The following DCC variants were observed in gnomAD, a reference collection of about 807,000 sequenced individuals.
DCC encodes netrin receptor DCC.
In DCC, 58 loss-of-function variants were observed where a neutral mutation model predicts 172.5. That is an observed-to-expected ratio of 0.34 (90% CI 0.27 to 0.42). DCC has a LOEUF of 0.42. Among genes scored for constraint, DCC ranks in the 10% least tolerant of loss-of-function variants. The pLI is 1.00. For synonymous variants in DCC, 709 were observed against 644.5 expected (o/e 1.10, Z -1.52); for missense variants, 1,740 against 1,791.0 (o/e 0.97, Z 0.51).
At chr18:52,679,006 C>G (rs1599012396) in intron 1 of DCC, among the ~76,000 whole-genome samples, 1 of 151,930 alleles carries the variant, frequency 6.6e-6, no homozygotes, top group South Asian at 2.1e-4. Context: ...TCTTTACCTT[C>G]AAAAATTTTA....
At chr18:52,742,270 G>A (rs547841230) in intron 1 of DCC, among the ~76,000 whole-genome samples, 1 of 151,674 alleles carries the variant, frequency 6.6e-6, no homozygotes, top group African/African-American at 2.4e-5. Flanking sequence ...CTTTGCTCAA[G>A]TCTTGCCCTC....
rs773998880 is a variant in DCC at position 53,526,744 on chromosome 18, A to C, written c.4239A>C (p.Thr1413=). Residue 1413 remains threonine, a synonymous_variant, in exon 28 of 29, where the codon ACA becomes ACC. Coordinates refer to ENST00000442544, the MANE Select transcript of DCC (RefSeq NM_005215.4). ...TGTCTGAGGAGAGCCACAAACCAAC[A>C]GAGGATTCAGCCAATGTAAGGGCAT... The part of the protein sequence containing the change: ...PEVSEESHKP[T]EDSANVYEQD... 14 of 1,613,444 alleles carry C rather than the reference A, an allele frequency of 8.7e-6. No individual in the cohort carries two copies. The highest frequency in any genetic ancestry group is 1.0e-5 in the Non-Finnish European group (12 of 1,179,592).
Position 52,400,005 on chromosome 18 carries a change from A to G in DCC, c.91+59127A>G, listed in dbSNP as rs142758348. Reference sequence around the variant, plus strand: ...AGAAAATTGAATGGATAATAAATAAATACAATTATACCAAATACCATTCTA... The same window carrying G: ...AGAAAATTGAATGGATAATAAATAAGTACAATTATACCAAATACCATTCTA... On this transcript the variant is annotated intron_variant, in intron 1 of 28. Transcript: ENST00000442544. 7.3e-3 allele frequency among the ~76,000 whole-genome samples: 1,115 copies of G among 152,170 alleles called. 8 individuals are homozygous for G. The highest frequency in any genetic ancestry group is 0.017 in the Middle Eastern group (5 of 294).
At chr18:53,053,142 C>CAAACAAAAT (rs1259815988) in intron 5 of DCC, among the ~76,000 whole-genome samples, 1 of 151,954 alleles carries the variant, frequency 6.6e-6, no homozygotes, top group African/African-American at 2.4e-5. Flanking sequence ...GACTCCATCT[C>CAAACAAAAT]AAACAAAATC....
intron 19 of DCC, among the ~76,000 whole-genome samples, chr18:53,404,106 T>C (rs1455839650): frequency 6.6e-6 from 1 of 152,176 alleles, no homozygotes; most frequent in African/African-American, 2.4e-5. Flanking sequence ...TCTCTTTTCA[T>C]TGGTTCTATG....
Position 53,157,509 on chromosome 18 carries a change from A to T in DCC, c.1415A>T (p.Asn472Ile), listed in dbSNP as rs2054762141. The change falls in exon 8 of 29, where the codon AAC (asparagine) becomes ATC (isoleucine). Residue 472 changes from asparagine (N) to isoleucine (I), a missense_variant. By Grantham distance (149) the Asn-to-Ile change is moderately radical (BLOSUM62 -3). Transcript: ENST00000442544. ...FTVFFSREGDNRERALNTTQP... is the reference protein window; with the variant it reads ...FTVFFSREGDIRERALNTTQP... ...GTCTTTTTCTCCAGAGAAGGTGACAACAGGTAGGTGATGCTACCAATAAAA... is the reference window on the plus strand; with the variant it reads ...GTCTTTTTCTCCAGAGAAGGTGACATCAGGTAGGTGATGCTACCAATAAAA... 1.2e-5 allele frequency: 19 copies of T among 1,614,082 alleles called. No individual in the cohort carries two copies. In the East Asian group the frequency reaches 4.2e-4, roughly 36 times the overall value.
At chr18:53,448,852 C>CA (rs1030885097) in intron 22 of DCC, among the ~76,000 whole-genome samples, 31 of 150,778 alleles carry the variant, frequency 2.1e-4, no homozygotes, top group African/African-American at 6.8e-4. Flanking sequence ...GACTCTGTCT[C>CA]AAAAAAAAAT....
chr18:53,452,974 G>A (rs369645304), intron 23 of DCC, among the ~76,000 whole-genome samples: 77 of 152,168 alleles, frequency 5.1e-4, no homozygotes, highest in African/African-American at 1.8e-3. Flanking sequence ...GGAGTGCAGT[G>A]GTGCAATCTC....
At chr18:53,093,889 G>A (rs544768777) in intron 7 of DCC, among the ~76,000 whole-genome samples, 80 of 152,134 alleles carry the variant, frequency 5.3e-4, no homozygotes, top group Middle Eastern at 3.4e-3. Flanking sequence ...TCATCCCCTC[G>A]CCAGATGAAA....
intron 2 of DCC, among the ~76,000 whole-genome samples, chr18:52,773,409 C>T (rs2037374258): frequency 1.3e-5 from 2 of 152,016 alleles, no homozygotes; most frequent in Admixed American, 1.3e-4. Context: ...ATGTATTCAC[C>T]AAATCTTTAT....
At chr18:53,240,420 T>C (rs1046651391) in intron 12 of DCC, among the ~76,000 whole-genome samples, 5 of 152,118 alleles carry the variant, frequency 3.3e-5, no homozygotes, top group African/African-American at 1.2e-4. Context: ...ATTTTATATA[T>C]GAAAAGCAGA....
At chr18:53,051,519 T>G (rs891462348) in intron 5 of DCC, among the ~76,000 whole-genome samples, 1 of 152,164 alleles carries the variant, frequency 6.6e-6, no homozygotes, top group African/African-American at 2.4e-5. Flanking sequence ...GGGTGGCTGA[T>G]GTTCTTAATT....
At chr18:52,775,164 C>T (rs1935863113) in intron 2 of DCC, among the ~76,000 whole-genome samples, 1 of 152,110 alleles carries the variant, frequency 6.6e-6, no homozygotes, top group African/African-American at 2.4e-5. Context: ...GAAAGGTTCG[C>T]CTGTCCCCCT....
At chr18:53,214,357 C>T (rs1175824815) in intron 11 of DCC, among the ~76,000 whole-genome samples, 4 of 152,058 alleles carry the variant, frequency 2.6e-5, no homozygotes, top group Non-Finnish European at 5.9e-5. Flanking sequence ...CTCATTCAAT[C>T]ATTAATTCAG....
chr18:53,101,366 T>A (rs2043170244), intron 7 of DCC, among the ~76,000 whole-genome samples: 1 of 152,022 alleles, frequency 6.6e-6, no homozygotes. Flanking sequence ...AGATTAATCC[T>A]TAAGGAGTGA....
At chr18:52,499,520 C>A (rs1387090354) in intron 1 of DCC, among the ~76,000 whole-genome samples, 1 of 152,122 alleles carries the variant, frequency 6.6e-6, no homozygotes, top group African/African-American at 2.4e-5. Flanking sequence ...ATTTCCTGAT[C>A]TTCTGATGGA....
At chr18:52,956,505 A>T (rs1467302295) in intron 5 of DCC, among the ~76,000 whole-genome samples, 1 of 152,108 alleles carries the variant, frequency 6.6e-6, no homozygotes, top group Admixed American at 6.6e-5. Flanking sequence ...GATTTATAGT[A>T]GTAAATCTTG....
At chr18:52,952,090 C>G (rs1045841075) in intron 5 of DCC, among the ~76,000 whole-genome samples, 1 of 152,146 alleles carries the variant, frequency 6.6e-6, no homozygotes, top group African/African-American at 2.4e-5. Flanking sequence ...ATATTATGAT[C>G]ACTTCTTCTC....
intron 7 of DCC, among the ~76,000 whole-genome samples, chr18:53,141,636 T>G (rs1348077859): frequency 6.6e-6 from 1 of 152,224 alleles, no homozygotes; most frequent in Non-Finnish European, 1.5e-5. Flanking sequence ...CTGGATTTTG[T>G]GGATTCTTTC....
Sources: gnomAD v4.1 joint callset for allele counts (sites outside exome capture counted in the v4.1 genomes callset) on GRCh38, gnomAD v4.1.1 for gene constraint, MANE v1.5 for transcripts, NCBI Gene and HGNC (gene_info 2026-07-23, HGNC 2026-07-21) for gene names.